Variants in DLC1 observed in about 807,000 individuals in gnomAD.
DLC1 encodes the protein rho GTPase-activating protein 7.
In DLC1, 54 loss-of-function variants were observed where a neutral mutation model predicts 140.3. That is an observed-to-expected ratio of 0.38 (90% CI 0.31 to 0.48). DLC1 has a LOEUF of 0.48. Among genes scored for constraint, DLC1 ranks in the 20% least tolerant of loss-of-function variants. The pLI, the probability that DLC1 is intolerant of heterozygous loss-of-function variation, is 0.96. For missense variants in DLC1, 2,536 were observed against 1,907.0 expected (o/e 1.33, Z -6.14); for synonymous variants, 986 against 728.1 (o/e 1.35, Z -5.70).
intron 5 of DLC1, among the ~76,000 whole-genome samples, chr8:13,224,628 G>A (rs1011168827): frequency 6.6e-6 from 1 of 152,170 alleles, no homozygotes; most frequent in Non-Finnish European, 1.5e-5. Flanking sequence ...ATTCTGGGAA[G>A]GTTCTGCTTT....
chr8:13,332,621 G>T (rs1833643309), intron 4 of DLC1, among the ~76,000 whole-genome samples: 1 of 36,582 alleles, frequency 2.7e-5, no homozygotes, highest in Admixed American at 4.8e-4. Flanking sequence ...AGTAGAGATT[G>T]GGTTCCATGT....
At chr8:13,433,600 A>G (rs1234135252) in intron 2 of DLC1, among the ~76,000 whole-genome samples, 1 of 152,214 alleles carries the variant, frequency 6.6e-6, no homozygotes, top group Non-Finnish European at 1.5e-5. Context: ...TGATTTTTAA[A>G]AGAAATTTCT....
At chr8:13,110,707 T>TA (rs768125778) in intron 7 of DLC1, 35 bp downstream of exon 7, 75 of 1,587,336 alleles carry the variant, frequency 4.7e-5, no homozygotes, top group South Asian at 3.8e-4. Flanking sequence ...TCTTAAAAAA[T>TA]AAAAAAGGAA....
In DLC1 at chr8:13,256,925, C is replaced by G. The variant is rs568635094; in HGVS notation, c.1348+48344G>C. ...GGCAGAGGCAGGATCTTGGGAGATA[C>G]GCAGAACTGCCTTGGAGTAATTGTA... is the stretch of plus-strand genomic sequence containing the variant. On this transcript the variant is annotated intron_variant, in intron 5 of 17. Coordinates refer to ENST00000276297, the MANE Select transcript of DLC1 (RefSeq NM_182643.3). Among the ~76,000 whole-genome samples the G allele has an allele frequency of 9.0e-4, 133 of 148,412 alleles. 1 individual carries two copies. The highest frequency in any genetic ancestry group is 1.1e-3 in the Non-Finnish European group (77 of 67,520).
chr8:13,125,467 A>C (rs776055622), intron 5 of DLC1, among the ~76,000 whole-genome samples: 26 of 152,318 alleles, frequency 1.7e-4, no homozygotes, highest in South Asian at 1.0e-3. Context: ...TTGATCTTTC[A>C]TGTTTACAGC....
At chr8:13,128,382 C>G (rs929908213) in intron 5 of DLC1, among the ~76,000 whole-genome samples, 1 of 152,196 alleles carries the variant, frequency 6.6e-6, no homozygotes, top group Non-Finnish European at 1.5e-5. Flanking sequence ...AGACTCCCCC[C>G]ATGGAGGGGA....
intron 2 of DLC1, among the ~76,000 whole-genome samples, chr8:13,456,511 G>A (rs1213865657): frequency 6.6e-6 from 1 of 151,570 alleles, no homozygotes; most frequent in Non-Finnish European, 1.5e-5. Context: ...CCAGAGTGGA[G>A]CGCAGGGCTG....
chr8:13,473,084 A>T (rs576765469), intron 2 of DLC1, among the ~76,000 whole-genome samples: 188 of 152,342 alleles, frequency 1.2e-3, no homozygotes, highest in African/African-American at 4.4e-3. Context: ...ATTATTATGC[A>T]GGTCAGGGGG....
At position 13,088,624 on chromosome 8, in the gene DLC1, T is replaced by C. The variant is rs149670677; in HGVS notation, c.4155A>G (p.Leu1385=). Residue 1385 remains leucine, a synonymous_variant, in exon 16 of 18, where the codon CTA becomes CTG. Coordinates refer to ENST00000276297, the MANE Select transcript of DLC1 (RefSeq NM_182643.3). The part of the protein sequence containing the change: ...PAVPEEILKR[L]LKEQHLWDVD... The stretch of plus-strand genomic sequence containing the variant: ...CATCCCAGAGGTGCTGTTCTTTAAG[T>C]AGGCGCTTTAAGATTTCCTCTGGCA... 3.1e-5 allele frequency: 50 copies of C among 1,614,064 alleles called. No individual in the cohort carries two copies. The highest frequency in any genetic ancestry group is 3.8e-5 in the Non-Finnish European group (45 of 1,180,048).
chr8:13,500,425 A>G (rs763768519), intron 1 of DLC1, among the ~76,000 whole-genome samples: 3 of 152,232 alleles, frequency 2.0e-5, no homozygotes, highest in Non-Finnish European at 2.9e-5. Context: ...AGGCATTTAA[A>G]GGCAGTTGGA....
chr8:13,437,567 A>G (rs1210372399), intron 2 of DLC1, among the ~76,000 whole-genome samples: 3 of 152,058 alleles, frequency 2.0e-5, no homozygotes, highest in African/African-American at 7.2e-5. Flanking sequence ...AGCACACATG[A>G]CCTCATTTAA....
chr8:13,562,082 T>C (rs2117383604), intron 1 of DLC1, among the ~76,000 whole-genome samples: 1 of 152,240 alleles, frequency 6.6e-6, no homozygotes, highest in Admixed American at 6.5e-5. Context: ...ATTTTGGTGG[T>C]GGTTACAGAA....
chr8:13,261,158 A>C (rs1830454592), intron 5 of DLC1, among the ~76,000 whole-genome samples: 1 of 152,192 alleles, frequency 6.6e-6, no homozygotes, highest in South Asian at 2.1e-4. Flanking sequence ...AACATGCCAG[A>C]AGTGGATCGC....
intron 4 of DLC1, among the ~76,000 whole-genome samples, chr8:13,375,750 G>A (rs934453531): frequency 5.4e-5 from 8 of 148,192 alleles, no homozygotes; most frequent in African/African-American, 1.7e-4. Context: ...TTTGCTGTGA[G>A]ATGAGAAAGG....
chr8:13,462,241 A>T (rs767563034), intron 2 of DLC1, among the ~76,000 whole-genome samples: 11 of 152,118 alleles, frequency 7.2e-5, no homozygotes, highest in Non-Finnish European at 1.5e-5. Context: ...AAAATTTACC[A>T]ATTTTTTATT....
intron 4 of DLC1, among the ~76,000 whole-genome samples, chr8:13,373,111 G>T (rs1835802495): frequency 6.6e-6 from 1 of 152,176 alleles, no homozygotes; most frequent in African/African-American, 2.4e-5. Flanking sequence ...AAACTCCTAA[G>T]CTCAAGCATT....
intron 1 of DLC1, among the ~76,000 whole-genome samples, chr8:13,603,069 AT>A (rs1563469625): frequency 6.6e-6 from 1 of 152,056 alleles, no homozygotes; most frequent in East Asian, 1.9e-4. Flanking sequence ...TAATCAAGGT[AT>A]AAATAAATTG....
At chr8:13,445,531 A>G (rs1798737182) in intron 2 of DLC1, among the ~76,000 whole-genome samples, 1 of 152,218 alleles carries the variant, frequency 6.6e-6, no homozygotes, top group Non-Finnish European at 1.5e-5. Context: ...GTAAGGAACC[A>G]CCAATGATTA....
chr8:13,478,840 T>C (rs994681634), intron 2 of DLC1, among the ~76,000 whole-genome samples: 1 of 152,252 alleles, frequency 6.6e-6, no homozygotes, highest in African/African-American at 2.4e-5. Flanking sequence ...TCTTCAATTC[T>C]CGTTCTCCTT....
Sources: gnomAD v4.1 joint callset for allele counts (sites outside exome capture counted in the v4.1 genomes callset) on GRCh38, gnomAD v4.1.1 for gene constraint, MANE v1.5 for transcripts, NCBI Gene and HGNC (gene_info 2026-07-23, HGNC 2026-07-21) for gene names.